ZNF189: variants seen among roughly 807,000 people sequenced by gnomAD.
ZNF189 encodes the protein zinc finger protein 189.
ZNF189 carries 33 observed loss-of-function variants against 53.5 expected under a neutral mutation model. The observed-to-expected ratio is 0.62, with a 90% CI of 0.47 to 0.82. ZNF189 has a LOEUF of 0.82. ZNF189 is among the 40% of genes least tolerant of loss of function. The pLI is 0.00. For synonymous variants in ZNF189, 247 were observed against 238.8 expected (o/e 1.03, Z -0.32); for missense variants, 711 against 753.9 (o/e 0.94, Z 0.67).
intron 2 of ZNF189, 73 bp downstream of exon 2, chr9:101,400,083 A>T: frequency 1.3e-6 from 2 of 1,567,146 alleles, no homozygotes; most frequent in Non-Finnish European, 1.7e-6. Flanking sequence ...GAACATTTGG[A>T]CGGAAACCAG....
rs74974861 is a variant in ZNF189, at chr9:101,407,249, T to G, written c.161-680T>G. ...CATTCCATTTGGCAGGGGGGCTTCA[T>G]GTCTTATCTCTGAATCCTGGCTGAT... On this transcript the variant is annotated intron_variant, in intron 2 of 2. Coordinates refer to ENST00000339664, the MANE Select transcript of ZNF189 (RefSeq NM_003452.4). Among the ~76,000 whole-genome samples the G allele has an allele frequency of 4.7e-4, 71 of 152,314 alleles. No individual in the cohort carries two copies. The East Asian group carries it at 0.012, about 26-fold the overall frequency.
At position 101,409,229 on chromosome 9, in the gene ZNF189, T is replaced by C. The variant is rs143647441; in HGVS notation, c.1461T>C (p.Thr487=). ...CTGGTGAAAAGCCCTATCTATGTACTGTCTGTGGGAAAAGCTTCAGCCGGA... is the reference window on the plus strand; with the variant it reads ...CTGGTGAAAAGCCCTATCTATGTACCGTCTGTGGGAAAAGCTTCAGCCGGA... ...IHTGEKPYLC[T]VCGKSFSRSS... The change falls in exon 3 of 3, where the codon ACT becomes ACC. Residue 487 remains threonine (T), a synonymous_variant. Transcript: ENST00000339664. The C allele has an allele frequency of 6.2e-6, 10 of 1,613,462 alleles. No individual in the cohort carries two copies. In the East Asian group the frequency reaches 2.0e-4, roughly 32 times the overall value.
At position 101,410,429 on chromosome 9, in the gene ZNF189, G is replaced by A. The variant is rs1830900718; in HGVS notation, c.*780G>A. The A allele has an allele frequency of 6.6e-6, 1 of 152,492 alleles. No individual in the cohort carries two copies. Among genetic ancestry groups the A allele is most frequent in the African/African-American group, 2.4e-5 (1 of 41,438 alleles). 9.4% of individuals were successfully genotyped at this position (152,492 alleles called of 1,614,324 possible). A position where few individuals can be genotyped will look rare whatever the true frequency, so the allele number is the denominator to read the frequency against. ...TGAGCTTATCCCTCCACAACCAGGTGCATATGAAAGTGTACATATTATGAC... is the reference window on the plus strand; with the variant it reads ...TGAGCTTATCCCTCCACAACCAGGTACATATGAAAGTGTACATATTATGAC... On this transcript the variant is annotated 3_prime_UTR_variant, in exon 3 of 3. Transcript: ENST00000339664.
At position 101,410,150 on chromosome 9, in the gene ZNF189, TAAGA is replaced by T. The variant is rs1432518426; in HGVS notation, c.*505_*508del. Reference sequence around the variant, plus strand: ...CAAGTATACAGTTTTTGTCATTGTTTAAGAAAGCCAGTTGTTTGGCATGTGAGTT... The same window carrying T: ...CAAGTATACAGTTTTTGTCATTGTTTAAGCCAGTTGTTTGGCATGTGAGTT... On this transcript the variant is annotated 3_prime_UTR_variant, in exon 3 of 3. Coordinates refer to ENST00000339664, the MANE Select transcript of ZNF189 (RefSeq NM_003452.4). 1 of 153,328 alleles carries T rather than the reference TAAGA, an allele frequency of 6.5e-6. No homozygotes were observed. Among genetic ancestry groups the T allele is most frequent in the Non-Finnish European group, 1.5e-5 (1 of 68,668 alleles). 9.5% of individuals were successfully genotyped at this position (153,328 alleles called of 1,614,324 possible). A position where few individuals can be genotyped will look rare whatever the true frequency, so the allele number is the denominator to read the frequency against.
In ZNF189 at chr9:101,410,502, G is replaced by C. The variant is rs932901515; in HGVS notation, c.*853G>C. The C allele has an allele frequency of 5.3e-5, 8 of 152,228 alleles. No homozygotes were observed. The highest frequency in any genetic ancestry group is 1.9e-4 in the African/African-American group (8 of 41,444). The allele number at this position is 152,228 out of a possible 1,614,324, so 9.4% of individuals were successfully genotyped here. A position where few individuals can be genotyped will look rare whatever the true frequency, so the allele number is the denominator to read the frequency against. On this transcript the variant is annotated 3_prime_UTR_variant, in exon 3 of 3. Transcript: ENST00000339664. Reference sequence around the variant, plus strand: ...GACCTGGAGTCTATGCTAGGAAGCTGAGATATTTTGGTATTGCATTGGTTT... The same window carrying C: ...GACCTGGAGTCTATGCTAGGAAGCTCAGATATTTTGGTATTGCATTGGTTT...
At chr9:101,399,373 C>T (rs1424948831) in intron 1 of ZNF189, 184 bp downstream of exon 1, 6 of 1,061,118 alleles carry the variant, frequency 5.7e-6, no homozygotes, top group Middle Eastern at 3.5e-4. Flanking sequence ...CACTGGCTCC[C>T]TTTTTTTTTT....
chr9:101,407,344 C>T, intron 2 of ZNF189: 1 of 397,096 alleles, frequency 2.5e-6, no homozygotes, highest in East Asian at 3.6e-5. Context: ...TATTGTTTCC[C>T]CTGGATCTTT....
At position 101,409,503 on chromosome 9, in the gene ZNF189, C is replaced by G. The variant is rs749132749; in HGVS notation, c.1735C>G (p.Gln579Glu). The change falls in exon 3 of 3, where the codon CAA becomes GAA. Residue 579 changes from glutamine (Q) to glutamate (E), a missense_variant. By Grantham distance (29) the Gln-to-Glu change is conservative. Transcript: ENST00000339664. ...KCEKCDKSFS[Q>E]QRSLVNHQKI... ...TGAGAAGTGCGACAAAAGTTTCAGT[C>G]AACAGCGCAGTCTTGTCAACCATCA... The G allele has an allele frequency of 4.0e-5, 64 of 1,613,922 alleles. No individual in the cohort carries two copies. Among genetic ancestry groups the G allele is most frequent in the Non-Finnish European group, 5.3e-5 (62 of 1,180,022 alleles).
At position 101,409,216 on chromosome 9, in the gene ZNF189, C is replaced by G. The variant is rs760600158; in HGVS notation, c.1448C>G (p.Pro483Arg). 3 of 1,613,322 alleles carry G rather than the reference C, an allele frequency of 1.9e-6. No individual in the cohort carries two copies. The highest frequency in any genetic ancestry group is 2.7e-5 in the African/African-American group (2 of 74,886). ...QHQRIHTGEK[P>R]YLCTVCGKSF... is the part of the protein sequence containing the mutation. ...CAAAGAATCCACACTGGTGAAAAGC[C>G]CTATCTATGTACTGTCTGTGGGAAA... The change falls in exon 3 of 3, where the codon CCC (proline) becomes CGC (arginine). Residue 483 changes from proline (P) to arginine (R), a missense_variant. Physicochemically the swap from Pro to Arg is moderately radical, Grantham distance 103. Coordinates refer to ENST00000339664, the MANE Select transcript of ZNF189 (RefSeq NM_003452.4).
chr9:101,399,305 G>A, intron 1 of ZNF189, 116 bp downstream of exon 1: 2 of 1,434,874 alleles, frequency 1.4e-6, no homozygotes, highest in Non-Finnish European at 1.8e-6. Context: ...TTTAGGGCCA[G>A]CGCCTTGCAA....
rs1298743604 is a variant in ZNF189 at position 101,399,117 on chromosome 9, A to T, written c.-40A>T. 6.6e-7 allele frequency: 1 copy of T among 1,505,770 alleles called. No individual in the cohort carries two copies. Among genetic ancestry groups the T allele is most frequent in the Non-Finnish European group, 9.2e-7 (1 of 1,083,362 alleles). 93.3% of individuals were successfully genotyped at this position (1,505,770 alleles called of 1,614,324 possible). ...GCCTCACCAGAGGCTCCTTTCCGTG[A>T]GGCCGCCCCCAATTCCTGCCCCTAT... On this transcript the variant is annotated 5_prime_UTR_variant, in exon 1 of 3. Coordinates refer to ENST00000339664, the MANE Select transcript of ZNF189 (RefSeq NM_003452.4).
chr9:101,399,671 A>G (rs1408048936), intron 1 of ZNF189: 1 of 1,221,428 alleles, frequency 8.2e-7, no homozygotes, highest in Non-Finnish European at 1.1e-6. Context: ...CTCAGGGCAT[A>G]ATAAATCAGA....
Position 101,409,614 on chromosome 9 carries a change from C to T in ZNF189, c.1846C>T (p.Gln616Ter), listed in dbSNP as rs1220762199. 3.1e-6 allele frequency: 5 copies of T among 1,611,780 alleles called. No homozygotes were observed. The highest frequency in any genetic ancestry group is 4.2e-6 in the Non-Finnish European group (5 of 1,179,348). The change falls in exon 3 of 3, where the codon CAG becomes TAG. Residue 616 changes from glutamine (Q) to a stop codon, truncating the protein, a stop_gained. Transcript: ENST00000339664. LOFTEE classifies it high-confidence loss of function. Reference protein sequence around the residue: ...EAFNCRISLIQHQKLHTAWMQ With the variant: ...EAFNCRISLI ...CTTTAATTGCCGTATTTCTCTTATT[C>T]AGCATCAGAAATTGCACACAGCATG...
intron 1 of ZNF189, chr9:101,399,469 G>A (rs753017302): frequency 1.2e-5 from 16 of 1,313,148 alleles, no homozygotes; most frequent in Non-Finnish European, 1.4e-5. Flanking sequence ...TTCTCCAGGT[G>A]AAGCACCATT....
chr9:101,399,527 C>G, intron 1 of ZNF189: 1 of 1,279,362 alleles, frequency 7.8e-7, no homozygotes. Context: ...GCCTGGACCC[C>G]AAGGTACACG....
rs1830886657 is a variant in ZNF189, at chr9:101,410,065, A to G, written c.*416A>G. ...ATGATATGTTTGGCTCTGCATGCCA[A>G]AGTCCAGTGATTAAGCATATATAAG... On this transcript the variant is annotated 3_prime_UTR_variant, in exon 3 of 3. Transcript: ENST00000339664. 6.3e-6 allele frequency: 1 copy of G among 157,968 alleles called. No individual in the cohort carries two copies. 9.8% of individuals were successfully genotyped at this position (157,968 alleles called of 1,614,324 possible).
intron 2 of ZNF189, among the ~76,000 whole-genome samples, chr9:101,401,697 A>C (rs1172274567): frequency 6.6e-6 from 1 of 151,760 alleles, no homozygotes; most frequent in Middle Eastern, 3.2e-3. Context: ...TGCCTCTAAT[A>C]CTCCCTTTAA....
Position 101,407,316 on chromosome 9 carries a change from G to A in ZNF189, c.161-613G>A, listed in dbSNP as rs560512549. The A allele has an allele frequency of 2.3e-5, 9 of 396,696 alleles. No individual in the cohort carries two copies. In the South Asian group the frequency reaches 1.3e-3, roughly 55 times the overall value. 24.6% of individuals were successfully genotyped at this position (396,696 alleles called of 1,614,324 possible). On this transcript the variant is annotated intron_variant, in intron 2 of 2. Coordinates refer to ENST00000339664, the MANE Select transcript of ZNF189 (RefSeq NM_003452.4). ...TGCTTTTGATGGGCAGTGAGTAAAT[G>A]CTTGTTAATGAATGAATTATTGTTT...
chr9:101,402,050 G>A (rs1830555229), intron 2 of ZNF189, among the ~76,000 whole-genome samples: 1 of 152,108 alleles, frequency 6.6e-6, no homozygotes, highest in African/African-American at 2.4e-5. Flanking sequence ...GAGTAGCCGA[G>A]ACAAACAGGC....
Sources: allele counts gnomAD v4.1 joint callset (sites outside exome capture counted in the v4.1 genomes callset), GRCh38; gene constraint gnomAD v4.1.1; transcripts MANE v1.5; gene names NCBI Gene and HGNC (gene_info 2026-07-23, HGNC 2026-07-21).